The following DLC1 variants were observed in gnomAD, a reference collection of about 807,000 sequenced individuals.
The protein encoded by DLC1 is rho GTPase-activating protein 7.
DLC1 carries 54 observed loss-of-function variants against 140.3 expected under a neutral mutation model. That is an observed-to-expected ratio of 0.38 (90% confidence interval 0.31 to 0.48). DLC1 has a LOEUF of 0.48. Ranked by LOEUF, DLC1 falls within the 20% of genes least tolerant of loss-of-function variation. The pLI is 0.96. For missense variants in DLC1, 2,536 were observed against 1,907.0 expected (o/e 1.33, Z -6.14); for synonymous variants, 986 against 728.1 (o/e 1.35, Z -5.70).
chr8:13,556,676 A>G (rs1227104434), intron 1 of DLC1, among the ~76,000 whole-genome samples: 1 of 152,200 alleles, frequency 6.6e-6, no homozygotes, highest in Non-Finnish European at 1.5e-5. Context: ...GGCGCCTGAC[A>G]GGACTGCTCT....
At chr8:13,176,163 T>G (rs1011467974) in intron 5 of DLC1, among the ~76,000 whole-genome samples, 20 of 152,190 alleles carry the variant, frequency 1.3e-4, no homozygotes, top group African/African-American at 4.8e-4. Context: ...CTGGTTTGAT[T>G]TTATGGATTC....
At chr8:13,251,173 C>G (rs532191482) in intron 5 of DLC1, among the ~76,000 whole-genome samples, 40 of 152,290 alleles carry the variant, frequency 2.6e-4, no homozygotes, top group African/African-American at 9.4e-4. Flanking sequence ...GGACACTATT[C>G]TTATTGGCTT....
chr8:13,205,993 C>T (rs1827646496), intron 5 of DLC1, among the ~76,000 whole-genome samples: 1 of 152,140 alleles, frequency 6.6e-6, no homozygotes, highest in African/African-American at 2.4e-5. Context: ...ATATAGATAG[C>T]CCCTTACTCT....
intron 5 of DLC1, among the ~76,000 whole-genome samples, chr8:13,249,500 C>T (rs1198041243): frequency 6.6e-6 from 1 of 152,182 alleles, no homozygotes; most frequent in Non-Finnish European, 1.5e-5. Flanking sequence ...ACCGTGATCC[C>T]ATTTCTATCA....
At chr8:13,424,956 A>G (rs949530969) in intron 2 of DLC1, among the ~76,000 whole-genome samples, 1 of 152,224 alleles carries the variant, frequency 6.6e-6, no homozygotes, top group African/African-American at 2.4e-5. Flanking sequence ...ATAAATGGCT[A>G]TAAATATGAT....
chr8:13,192,313 T>C (rs1160145352), intron 5 of DLC1, among the ~76,000 whole-genome samples: 2 of 152,200 alleles, frequency 1.3e-5, no homozygotes, highest in Non-Finnish European at 2.9e-5. Context: ...CTGTGCAATT[T>C]TGGGTGATGC....
chr8:13,486,342 GT>G (rs201757612), intron 2 of DLC1, among the ~76,000 whole-genome samples: 3,511 of 152,160 alleles, frequency 0.023, 61 homozygotes, highest in Non-Finnish European at 0.034. Flanking sequence ...ATTCTCAGAT[GT>G]TTTTTTCCCC....
intron 16 of DLC1, among the ~76,000 whole-genome samples, chr8:13,087,971 C>G (rs980117607): frequency 1.3e-5 from 2 of 152,222 alleles, no homozygotes; most frequent in African/African-American, 4.8e-5. Flanking sequence ...TCTTTCTGAG[C>G]TCAGTTACCA....
chr8:13,100,301 G>C lies in DLC1; in HGVS notation c.2036C>G (p.Ser679Cys). 2 of 1,614,140 alleles carry C rather than the reference G, an allele frequency of 1.2e-6. No individual in the cohort carries two copies. Among genetic ancestry groups the C allele is most frequent in the Non-Finnish European group, 1.7e-6 (2 of 1,180,042 alleles). ...KRMESLKLKS[S>C]HHSKHKAPSK... ...GGGCGCTTTGTGCTTGCTGTGATGG[G>C]AGCTCTTGAGCTTCAGGCTCTCCAT... is the stretch of plus-strand genomic sequence containing the variant. The change falls in exon 9 of 18, where the codon TCC becomes TGC. Residue 679 changes from serine to cysteine, a missense_variant. Coordinates refer to ENST00000276297, the MANE Select transcript of DLC1 (RefSeq NM_182643.3).
chr8:13,310,690 C>A (rs944577953), intron 4 of DLC1, among the ~76,000 whole-genome samples: 1 of 152,180 alleles, frequency 6.6e-6, no homozygotes, highest in Admixed American at 6.5e-5. Context: ...TATTGTTAGC[C>A]AGTCAATGAT....
At chr8:13,304,908 T>G in intron 5 of DLC1, 1 of 997,452 alleles carries the variant, frequency 1.0e-6, no homozygotes, top group Non-Finnish European at 1.2e-6. Flanking sequence ...CTGTGGCTAC[T>G]AAGTCATTAA....
chr8:13,311,590 A>G (rs1246935786), intron 4 of DLC1, among the ~76,000 whole-genome samples: 1 of 152,208 alleles, frequency 6.6e-6, no homozygotes, highest in Non-Finnish European at 1.5e-5. Flanking sequence ...AGTTATCAGC[A>G]ATATTGAGAT....
At chr8:13,337,955 C>T (rs952248312) in intron 4 of DLC1, among the ~76,000 whole-genome samples, 2 of 152,180 alleles carry the variant, frequency 1.3e-5, no homozygotes, top group African/African-American at 2.4e-5. Flanking sequence ...TTTATTCTTT[C>T]TATCAATACT....
rs1835617082 is a variant in DLC1 at position 13,369,086 on chromosome 8, T to C, written c.1314+24467A>G. 2.0e-5 allele frequency among the ~76,000 whole-genome samples: 3 copies of C among 152,152 alleles called. No homozygotes were observed. In the South Asian group the frequency reaches 6.2e-4, roughly 31 times the overall value. On this transcript the variant is annotated intron_variant, in intron 4 of 17. Transcript: ENST00000276297. The stretch of plus-strand genomic sequence containing the variant: ...ATCTGATTGCCTCAGCCTTTGATGA[T>C]GTTTAGAGAATAAGAACATTCAGGG...
chr8:13,187,724 C>T lies in DLC1; in HGVS notation c.1349-72067G>A, dbSNP rs764517701. Among the ~76,000 whole-genome samples, 12 of 152,132 alleles carry T rather than the reference C, an allele frequency of 7.9e-5. No homozygotes were observed. In the South Asian group the frequency reaches 1.0e-3, roughly 13 times the overall value. ...AATGAGGAAATTAATCAAAATCATC[C>T]GGGAATACTCGAGGCGTTCAACATT... On this transcript the variant is annotated intron_variant, in intron 5 of 17. Transcript: ENST00000276297.
chr8:13,575,708 C>G (rs1400993108), intron 1 of DLC1, among the ~76,000 whole-genome samples: 3 of 152,180 alleles, frequency 2.0e-5, no homozygotes. Context: ...TAATAGTGCT[C>G]TCTCAGGCCT....
rs557654931 is a variant in DLC1 at position 13,449,577 on chromosome 8, A to C, written c.1024-47958T>G. ...CAGCAAACTATCGCAAGGACAAAAAACCAAACACTGCATGTTCTCACTCAT... is the reference window on the plus strand; with the variant it reads ...CAGCAAACTATCGCAAGGACAAAAACCCAAACACTGCATGTTCTCACTCAT... On this transcript the variant is annotated intron_variant, in intron 2 of 17. Coordinates refer to ENST00000276297, the MANE Select transcript of DLC1 (RefSeq NM_182643.3). Among the ~76,000 whole-genome samples, 8 of 151,778 alleles carry C rather than the reference A, an allele frequency of 5.3e-5. No homozygotes were observed. The East Asian group carries it at 1.6e-3, about 30-fold the overall frequency.
rs1554546967 is a variant in DLC1 at position 13,579,245 on chromosome 8, C to CATACATATATATATATATATATAT, written c.-126+25291_-126+25292insATATATATATATATATATATGTAT. Among the ~76,000 whole-genome samples, 94 of 18,896 alleles carry CATACATATATATATATATATATAT rather than the reference C, an allele frequency of 5.0e-3. 17 individuals carry two copies. Among genetic ancestry groups the CATACATATATATATATATATATAT allele is most frequent in the Non-Finnish European group, 6.1e-3 (61 of 10,046 alleles). 12.4% of individuals were successfully genotyped at this position (18,896 alleles called of 152,430 possible). ...GGAGCTCTAATTGAGGAACAGGGAG[C>CATACATATATATATATATATATAT]ATATATATATATATATATATATATG... is the stretch of plus-strand genomic sequence containing the variant. On this transcript the variant is annotated intron_variant, in intron 1 of 1. Transcript: ENST00000631382.
intron 4 of DLC1, among the ~76,000 whole-genome samples, chr8:13,322,146 A>AAT (rs1380061519): frequency 1.2e-4 from 18 of 152,192 alleles, no homozygotes; most frequent in African/African-American, 4.3e-4. Flanking sequence ...TAGAATAGAA[A>AAT]ATACTTCAAA....
Sources: allele counts gnomAD v4.1 joint callset (sites outside exome capture counted in the v4.1 genomes callset), GRCh38; gene constraint gnomAD v4.1.1; transcripts MANE v1.5; gene names NCBI Gene and HGNC (gene_info 2026-07-23, HGNC 2026-07-21).